ZNF83: variants seen among roughly 807,000 people sequenced by gnomAD.
The protein encoded by ZNF83 is zinc finger protein 83.
For synonymous variants in ZNF83, 209 were observed against 213.0 expected, an observed-to-expected ratio of 0.98 and a Z score of 0.17; for missense variants, 552 against 629.9, an observed-to-expected ratio of 0.88 and a Z score of 1.32.
Position 52,618,958 on chromosome 19 carries a change from A to G in ZNF83, c.-233-4161T>C, listed in dbSNP as rs746786685. 86 of 1,540,308 alleles carry G rather than the reference A, an allele frequency of 5.6e-5. 8 individuals are homozygous for G. The highest frequency in any genetic ancestry group is 3.8e-4 in the Admixed American group (22 of 57,986). On this transcript the variant is annotated intron_variant, in intron 2 of 2. Transcript: ENST00000301096. ...CACCCAGGGAGACCAGGTTCCTATA[A>G]TTCTCCAACATCACATCTCTGTATA...
upstream of ZNF83, chr19:52,638,516 C>G (rs1028282035): frequency 7.4e-5 from 11 of 148,852 alleles, no homozygotes; most frequent in South Asian, 2.1e-4. Context: ...CTCTCAGCAT[C>G]GTTCCCAGCG....
intron 3 of ZNF83, chr19:52,653,096 T>C (rs1600231422): frequency 6.8e-7 from 1 of 1,463,786 alleles, no homozygotes; most frequent in East Asian, 2.4e-5. Flanking sequence ...GCCTTATGAA[T>C]TAGAAGGGAT....
At chr19:52,658,102 C>T (rs945863342) in intron 2 of ZNF83, among the ~76,000 whole-genome samples, 1 of 148,894 alleles carries the variant, frequency 6.7e-6, no homozygotes, top group African/African-American at 2.5e-5. Flanking sequence ...TGCCATTGCA[C>T]TCCACCCTCG....
At chr19:52,676,936 C>G (rs200890031) in intron 1 of ZNF83, among the ~76,000 whole-genome samples, 70 of 139,990 alleles carry the variant, frequency 5.0e-4, no homozygotes, top group South Asian at 9.0e-4. Context: ...CAGCATGCTC[C>G]TTAAGAGTCA....
intron 1 of ZNF83, among the ~76,000 whole-genome samples, chr19:52,680,951 G>T (rs12978409): frequency 0.064 from 9,735 of 151,758 alleles, 395 homozygotes; most frequent in Non-Finnish European, 0.091. Context: ...CACTGTGGAT[G>T]TCTCGGTTTT....
In ZNF83 at chr19:52,655,621, C is replaced by T. The variant is rs555000280; in HGVS notation, c.-134G>A. ...ACGGCCCTGTATAAAGCCCTCTGTGCAGGGTTCAGGCATTTCCACTCCTCC... is the reference window on the plus strand; with the variant it reads ...ACGGCCCTGTATAAAGCCCTCTGTGTAGGGTTCAGGCATTTCCACTCCTCC... On this transcript the variant is annotated 5_prime_UTR_variant, in exon 3 of 6. Coordinates refer to the ZNF83 transcript ENST00000594682. The T allele has an allele frequency of 6.1e-6, 9 of 1,487,206 alleles. No homozygotes were observed. In the South Asian group the frequency reaches 1.0e-4, roughly 17 times the overall value. 92.1% of individuals were successfully genotyped at this position (1,487,206 alleles called of 1,614,324 possible).
chr19:52,670,283 C>T (rs965855035), intron 1 of ZNF83, among the ~76,000 whole-genome samples: 1 of 152,160 alleles, frequency 6.6e-6, no homozygotes, highest in Non-Finnish European at 1.5e-5. Flanking sequence ...TCCTGCCAAA[C>T]CACTCACCTT....
chr19:52,638,691 T>C (rs1369747611), upstream of ZNF83, among the ~76,000 whole-genome samples: 2 of 152,226 alleles, frequency 1.3e-5, no homozygotes, highest in South Asian at 2.1e-4. Flanking sequence ...CAGAACCGAA[T>C]AGAAATCCTC....
At chr19:52,670,030 AT>A (rs2061702924) in intron 1 of ZNF83, among the ~76,000 whole-genome samples, 1 of 152,216 alleles carries the variant, frequency 6.6e-6, no homozygotes. Flanking sequence ...AGTATGTTCA[AT>A]TCTTTGCCTT....
At chr19:52,614,189 A>G (rs777316190) in exon 3 of ZNF83, 10 of 1,614,044 alleles carry the variant, frequency 6.2e-6, no homozygotes, top group African/African-American at 1.3e-5. Flanking sequence ...ATCTTGCCAC[A>G]TATATCACAT....
At chr19:52,632,246 C>T (rs551246957) in intron 2 of ZNF83, among the ~76,000 whole-genome samples, 1 of 152,254 alleles carries the variant, frequency 6.6e-6, no homozygotes, top group South Asian at 2.1e-4. Flanking sequence ...CCCTTATGGT[C>T]CTCCATCTTC....
chr19:52,631,611 C>G (rs1600192368), intron 2 of ZNF83, among the ~76,000 whole-genome samples: 1 of 152,224 alleles, frequency 6.6e-6, no homozygotes, highest in Non-Finnish European at 1.5e-5. Flanking sequence ...TTGTTCCTGG[C>G]CCGGACTTCA....
At chr19:52,666,404 T>C (rs538867297) in intron 1 of ZNF83, among the ~76,000 whole-genome samples, 2 of 152,164 alleles carry the variant, frequency 1.3e-5, no homozygotes, top group Admixed American at 6.5e-5. Flanking sequence ...TACCACCCTG[T>C]TGTCAGTGTA....
intron 2 of ZNF83, among the ~76,000 whole-genome samples, chr19:52,631,148 A>C (rs1024224083): frequency 6.8e-6 from 1 of 147,532 alleles, no homozygotes; most frequent in African/African-American, 2.5e-5. Context: ...AAGGCTTCAC[A>C]GACAGCCCCC....
intron 1 of ZNF83, 165 bp from the exon 2 acceptor site, chr19:52,635,318 T>C: frequency 2.5e-6 from 1 of 396,672 alleles, no homozygotes; most frequent in Non-Finnish European, 4.5e-6. Context: ...CGCACCCTTC[T>C]GGAGAAGCCC....
intron 1 of ZNF83, among the ~76,000 whole-genome samples, chr19:52,677,075 A>G (rs1219369945): frequency 6.7e-6 from 1 of 148,346 alleles, no homozygotes; most frequent in African/African-American, 2.5e-5. Flanking sequence ...CTGTTGTCCT[A>G]TGACCCTGCC....
At chr19:52,684,744 A>G (rs2061985533) in intron 1 of ZNF83, among the ~76,000 whole-genome samples, 1 of 152,064 alleles carries the variant, frequency 6.6e-6, no homozygotes, top group African/African-American at 2.4e-5. Context: ...TTAGGGACAT[A>G]GGGTAAGAGC....
intron 2 of ZNF83, among the ~76,000 whole-genome samples, chr19:52,659,670 C>T (rs1430239113): frequency 6.8e-6 from 1 of 147,308 alleles, no homozygotes; most frequent in African/African-American, 2.5e-5. Flanking sequence ...AAGAAAGGAA[C>T]AGAAAAGCTT....
chr19:52,671,084 A>G (rs776217861), intron 1 of ZNF83, among the ~76,000 whole-genome samples: 1 of 152,236 alleles, frequency 6.6e-6, no homozygotes, highest in Non-Finnish European at 1.5e-5. Flanking sequence ...TTCTTTGCAG[A>G]CGCACATGAA....
Sources: allele counts gnomAD v4.1 joint callset (sites outside exome capture counted in the v4.1 genomes callset), GRCh38; gene constraint gnomAD v4.1.1; transcripts MANE v1.5; gene names NCBI Gene and HGNC (gene_info 2026-07-23, HGNC 2026-07-21).